CCDC73: variants seen among roughly 807,000 people sequenced by gnomAD.
CCDC73 encodes the protein coiled-coil domain containing 73.
Under a neutral mutation model 116.5 loss-of-function variants are expected in CCDC73, and 95 were observed. That is an observed-to-expected ratio of 0.82 (90% CI 0.69 to 0.97). The LOEUF (loss-of-function observed/expected upper bound fraction) is 0.97, where lower values mean the gene tolerates loss of function less well. Among genes scored for constraint, CCDC73 ranks in the 50% least tolerant of loss-of-function variants. CCDC73 has a pLI of 0.00. For missense variants in CCDC73, 1,066 were observed against 1,206.8 expected (o/e 0.88, Z 1.73); for synonymous variants, 398 against 401.3 (o/e 0.99, Z 0.10).
At chr11:32,608,964 A>G (rs1855388283) in intron 17 of CCDC73, among the ~76,000 whole-genome samples, 1 of 152,122 alleles carries the variant, frequency 6.6e-6, no homozygotes, top group African/African-American at 2.4e-5. Flanking sequence ...CAAATCCCTA[A>G]GCTGCACACA....
intron 1 of CCDC73, among the ~76,000 whole-genome samples, chr11:32,776,956 T>C (rs1284128514): frequency 3.4e-5 from 1 of 29,236 alleles, no homozygotes; most frequent in Non-Finnish European, 7.9e-5. Context: ...TATATATATA[T>C]ATATACACAC....
chr11:32,655,598 A>C (rs1249699831), intron 9 of CCDC73, among the ~76,000 whole-genome samples: 4 of 152,208 alleles, frequency 2.6e-5, no homozygotes, highest in African/African-American at 9.7e-5. Context: ...CTAATGTGTT[A>C]TTTCAGGGGA....
chr11:32,827,568 C>G, the CCDC73 span, among the ~76,000 whole-genome samples: 1 of 152,196 alleles, frequency 6.6e-6, no homozygotes, highest in Non-Finnish European at 1.5e-5. Context: ...ACTGCTGATT[C>G]CATAGCATGA....
At chr11:32,748,257 GT>G (rs144194763) in intron 2 of CCDC73, among the ~76,000 whole-genome samples, 89,224 of 151,224 alleles carry the variant, frequency 0.59, 26,571 homozygotes, top group East Asian at 0.84. Flanking sequence ...TTCTCTGGTG[GT>G]ATTTTTTAAT....
At chr11:32,740,703 T>C (rs1355682489) in intron 2 of CCDC73, among the ~76,000 whole-genome samples, 1 of 152,076 alleles carries the variant, frequency 6.6e-6, no homozygotes, top group African/African-American at 2.4e-5. Context: ...TCATTTCTTT[T>C]CTTCTACTAA....
the CCDC73 span, among the ~76,000 whole-genome samples, chr11:32,811,307 G>C: frequency 2.6e-5 from 4 of 152,098 alleles, no homozygotes; most frequent in South Asian, 4.1e-4. Context: ...TATTGCATGT[G>C]AATGTACTCC....
intron 6 of CCDC73, among the ~76,000 whole-genome samples, chr11:32,697,226 C>T (rs1348342519): frequency 6.6e-6 from 1 of 151,962 alleles, no homozygotes; most frequent in Non-Finnish European, 1.5e-5. Flanking sequence ...AAGTAAGTTG[C>T]AGCTAATAGG....
chr11:32,656,136 G>T (rs1259480362), intron 9 of CCDC73, among the ~76,000 whole-genome samples: 4 of 150,838 alleles, frequency 2.7e-5, no homozygotes, highest in African/African-American at 9.8e-5. Context: ...GGAGTGCAGT[G>T]GCACGATCTC....
chr11:32,660,846 A>G (rs1565069115), intron 9 of CCDC73, among the ~76,000 whole-genome samples: 1 of 152,136 alleles, frequency 6.6e-6, no homozygotes, highest in African/African-American at 2.4e-5. Context: ...GAGAGAGAGA[A>G]TACAAAGGGG....
chr11:32,740,144 C>G (rs971524691), intron 2 of CCDC73, among the ~76,000 whole-genome samples: 1 of 75,366 alleles, frequency 1.3e-5, no homozygotes, highest in African/African-American at 4.8e-5. Context: ...TTTTCTTTTT[C>G]TTTCTTTTTT....
chr11:32,692,828 T>C (rs954275877), intron 6 of CCDC73, among the ~76,000 whole-genome samples: 2 of 152,236 alleles, frequency 1.3e-5, no homozygotes, highest in Non-Finnish European at 2.9e-5. Context: ...CACAGGACTA[T>C]GTAATAAGTC....
chr11:32,747,331 A>G lies in CCDC73; in HGVS notation c.135+12778T>C, dbSNP rs190910608. 2.7e-3 allele frequency among the ~76,000 whole-genome samples: 415 copies of G among 152,092 alleles called. 1 individual carries two copies. The highest frequency in any genetic ancestry group is 9.7e-3 in the African/African-American group (404 of 41,498). Reference sequence around the variant, plus strand: ...GTCCCAGAGGGAGGGGCACCTGCCTATATGAGGTGTCTGTTGGTCCCTACT... The same window carrying G: ...GTCCCAGAGGGAGGGGCACCTGCCTGTATGAGGTGTCTGTTGGTCCCTACT... On this transcript the variant is annotated intron_variant, in intron 2 of 17. Coordinates refer to ENST00000335185, the MANE Select transcript of CCDC73 (RefSeq NM_001008391.4).
At position 32,653,921 on chromosome 11, in the gene CCDC73, C is replaced by T. The variant is rs910239898; in HGVS notation, c.834+57G>A. The T allele has an allele frequency of 4.1e-5, 63 of 1,553,310 alleles. No homozygotes were observed. The African/African-American group carries it at 7.2e-4, about 18-fold the overall frequency. ...TATGCATGATTCCACTTATTTTTTA[C>T]ATTTTATCTGATTTTTAGAATATTT... On this transcript the variant is annotated intron_variant, in intron 11 of 17. Coordinates refer to ENST00000335185, the MANE Select transcript of CCDC73 (RefSeq NM_001008391.4).
rs192851243 is a variant in CCDC73, at chr11:32,698,632, A to T, written c.390+619T>A. ...GAAATGGCATGAATATCGTCTTCCC[A>T]ACAATCATTATTTCACTAGTTACTT... is the stretch of plus-strand genomic sequence containing the variant. On this transcript the variant is annotated intron_variant, in intron 6 of 17. Coordinates refer to ENST00000335185, the MANE Select transcript of CCDC73 (RefSeq NM_001008391.4). 3.7e-4 allele frequency among the ~76,000 whole-genome samples: 57 copies of T among 152,304 alleles called. 1 individual carries two copies. In the East Asian group the frequency reaches 0.01, roughly 28 times the overall value.
At chr11:32,678,694 G>A (rs556306574) in intron 7 of CCDC73, among the ~76,000 whole-genome samples, 246 of 152,064 alleles carry the variant, frequency 1.6e-3, no homozygotes, top group African/African-American at 5.7e-3. Context: ...GACCAGCCTG[G>A]CCAACATGGT....
At chr11:32,645,983 A>T (rs1486800355) in intron 12 of CCDC73, among the ~76,000 whole-genome samples, 1 of 152,226 alleles carries the variant, frequency 6.6e-6, no homozygotes, top group Non-Finnish European at 1.5e-5. Context: ...ACATTCTAAC[A>T]AATTTTTTTA....
chr11:32,830,419 T>C, the CCDC73 span: 1 of 1,110,980 alleles, frequency 9.0e-7, no homozygotes, highest in Non-Finnish European at 1.2e-6. Flanking sequence ...AGGCTTTGAG[T>C]ACAACAGGTT....
At chr11:32,809,591 C>T in the CCDC73 span, among the ~76,000 whole-genome samples, 1 of 152,164 alleles carries the variant, frequency 6.6e-6, no homozygotes, top group South Asian at 2.1e-4. Context: ...AGAAACATCC[C>T]CGCTCTTTGG....
intron 14 of CCDC73, among the ~76,000 whole-genome samples, chr11:32,625,186 A>G (rs932593230): frequency 5.9e-5 from 9 of 152,102 alleles, no homozygotes; most frequent in African/African-American, 2.2e-4. Context: ...TGCACGTCAG[A>G]TGGGTTTCCT....
Sources: gnomAD v4.1 joint callset for allele counts (sites outside exome capture counted in the v4.1 genomes callset) on GRCh38, gnomAD v4.1.1 for gene constraint, MANE v1.5 for transcripts, NCBI Gene and HGNC (gene_info 2026-07-23, HGNC 2026-07-21) for gene names.